The following RGS5 variants were observed in gnomAD, a reference collection of about 807,000 sequenced individuals.
RGS5 encodes regulator of G protein signaling 5.
RGS5 carries 20 observed loss-of-function variants against 18.9 expected under a neutral mutation model. The ratio of observed to expected loss-of-function variants is 1.06; its 90% CI spans 0.74 to 1.54. RGS5 has a LOEUF of 1.54. RGS5 is among the 40% of genes most tolerant of loss of function. The probability of loss-of-function intolerance (pLI) is 0.00; values close to 1 mark genes in which losing one functional copy is unlikely to be tolerated. For missense variants in RGS5, 201 were observed against 211.8 expected, an observed-to-expected ratio of 0.95 and a Z score of 0.32; for synonymous variants, 57 against 76.2, an observed-to-expected ratio of 0.75 and a Z score of 1.31.
At chr1:163,165,493 C>T (rs191181004) in intron 2 of RGS5, among the ~76,000 whole-genome samples, 85 of 152,300 alleles carry the variant, frequency 5.6e-4, no homozygotes, top group African/African-American at 1.9e-3. Context: ...TCAGGAGGAC[C>T]TACAGCAGAG....
intron 1 of RGS5, chr1:163,172,486 A>G: frequency 4.7e-6 from 7 of 1,502,188 alleles, no homozygotes; most frequent in Non-Finnish European, 6.3e-6. Context: ...GGAATGATCT[A>G]GAAATCAACT....
chr1:163,286,295 A>C lies in RGS5; in HGVS notation c.-281+19938T>G, dbSNP rs537989313. Among the ~76,000 whole-genome samples the C allele has an allele frequency of 2.0e-5, 3 of 152,254 alleles. No individual in the cohort carries two copies. The East Asian group carries it at 5.8e-4, about 29-fold the overall frequency. Reference sequence around the variant, plus strand: ...TAAATACTGCCATTTTACATAAGGGACTTGAGCATTAGTAGATTTTAGTAT... The same window carrying C: ...TAAATACTGCCATTTTACATAAGGGCCTTGAGCATTAGTAGATTTTAGTAT... On this transcript the variant is annotated intron_variant, in intron 2 of 5. Coordinates refer to the RGS5 transcript ENST00000618415.
intron 2 of RGS5, among the ~76,000 whole-genome samples, chr1:163,265,562 A>G (rs1648555084): frequency 6.6e-6 from 1 of 152,000 alleles, no homozygotes; most frequent in Non-Finnish European, 1.5e-5. Flanking sequence ...GAACTTTGCA[A>G]CCTTCTCTAA....
chr1:163,253,829 T>C (rs1571321047), intron 2 of RGS5, among the ~76,000 whole-genome samples: 1 of 126,470 alleles, frequency 7.9e-6, no homozygotes, highest in Non-Finnish European at 1.6e-5. Context: ...GTCCCCAGAC[T>C]GTGATGTTCC....
chr1:163,181,017 G>A (rs767884410), intron 1 of RGS5, among the ~76,000 whole-genome samples: 2 of 151,886 alleles, frequency 1.3e-5, no homozygotes, highest in Non-Finnish European at 2.9e-5. Flanking sequence ...CCTAGCAACC[G>A]CTGATCTGTT....
chr1:163,191,449 C>T (rs1235855081), intron 1 of RGS5, among the ~76,000 whole-genome samples: 6 of 152,116 alleles, frequency 3.9e-5, no homozygotes, highest in Admixed American at 1.3e-4. Flanking sequence ...AGATAGATAT[C>T]CTCTTCAGAG....
At chr1:163,186,872 T>C (rs1250621029) in intron 1 of RGS5, among the ~76,000 whole-genome samples, 2 of 152,142 alleles carry the variant, frequency 1.3e-5, no homozygotes, top group Non-Finnish European at 2.9e-5. Context: ...GGGAAAAAAA[T>C]CACACCCCGT....
At chr1:163,308,686 T>A (rs1184966357) in intron 1 of RGS5, 2 of 152,168 alleles carry the variant, frequency 1.3e-5, no homozygotes, top group Non-Finnish European at 2.9e-5. Flanking sequence ...TTAAAGGTAT[T>A]GCAATTTAAT....
At chr1:163,287,378 C>T (rs1218608151) in intron 2 of RGS5, among the ~76,000 whole-genome samples, 1 of 152,200 alleles carries the variant, frequency 6.6e-6, no homozygotes, top group African/African-American at 2.4e-5. Context: ...ACCCCTACTA[C>T]TCATGCTCCT....
intron 2 of RGS5, among the ~76,000 whole-genome samples, chr1:163,286,190 C>T (rs1649142881): frequency 6.6e-6 from 1 of 151,758 alleles, no homozygotes; most frequent in South Asian, 2.1e-4. Context: ...ATTATTTAGA[C>T]AGCATTTACA....
intron 2 of RGS5, chr1:163,238,156 T>A (rs1647679840): frequency 6.6e-6 from 1 of 152,670 alleles, no homozygotes; most frequent in Admixed American, 6.5e-5. Context: ...TACTAGCTTT[T>A]TAAAAATACT....
chr1:163,283,564 G>GTT (rs952847298), intron 2 of RGS5, among the ~76,000 whole-genome samples: 152 of 152,196 alleles, frequency 1.0e-3, no homozygotes, highest in African/African-American at 3.6e-3. Context: ...TTTCCACTCC[G>GTT]TGAGTGTATG....
At chr1:163,180,799 A>G (rs575516333) in intron 1 of RGS5, among the ~76,000 whole-genome samples, 1 of 142,052 alleles carries the variant, frequency 7.0e-6, no homozygotes, top group African/African-American at 2.6e-5. Context: ...GGTTCACGCC[A>G]TTCTCCTGCC....
chr1:163,274,039 G>A (rs1329710796), intron 2 of RGS5, among the ~76,000 whole-genome samples: 1 of 152,154 alleles, frequency 6.6e-6, no homozygotes, highest in Non-Finnish European at 1.5e-5. Context: ...ATGGATTTGT[G>A]TGTGAATTGG....
At chr1:163,173,942 T>C (rs1658424144) in intron 1 of RGS5, among the ~76,000 whole-genome samples, 1 of 152,116 alleles carries the variant, frequency 6.6e-6, no homozygotes, top group African/African-American at 2.4e-5. Context: ...CCAAGCGTGG[T>C]GGCAGGCACC....
At chr1:163,278,984 C>T (rs746354927) in intron 2 of RGS5, among the ~76,000 whole-genome samples, 40 of 152,068 alleles carry the variant, frequency 2.6e-4, no homozygotes, top group Admixed American at 5.9e-4. Flanking sequence ...ATCAGCAAGA[C>T]GCTATAACAT....
At chr1:163,284,597 T>C (rs1649095743) in intron 2 of RGS5, among the ~76,000 whole-genome samples, 1 of 152,174 alleles carries the variant, frequency 6.6e-6, no homozygotes, top group South Asian at 2.1e-4. Context: ...TCATAATGAA[T>C]AGAGCTTTAG....
chr1:163,253,790 T>G (rs12082432), intron 2 of RGS5, among the ~76,000 whole-genome samples: 1 of 143,264 alleles, frequency 7.0e-6, no homozygotes, highest in African/African-American at 2.7e-5. Flanking sequence ...CCTAAAGCTA[T>G]CCCTCCCCCC....
Position 163,180,995 on chromosome 1 carries a change from C to A in RGS5, c.45-12627G>T, listed in dbSNP as rs546724735. On this transcript the variant is annotated intron_variant, in intron 1 of 4. Coordinates refer to ENST00000313961, the MANE Select transcript of RGS5 (RefSeq NM_003617.4). ...AGGCGTGAGCCACCGCGCCCGCCCCCCTGTTCTTATCCCTAGCAACCGCTG... is the reference window on the plus strand; with the variant it reads ...AGGCGTGAGCCACCGCGCCCGCCCCACTGTTCTTATCCCTAGCAACCGCTG... 1.4e-3 allele frequency among the ~76,000 whole-genome samples: 218 copies of A among 152,070 alleles called. 2 individuals carry two copies. Among genetic ancestry groups the A allele is most frequent in the Non-Finnish European group, 3.4e-4 (23 of 67,966 alleles).
Sources: allele counts gnomAD v4.1 joint callset (sites outside exome capture counted in the v4.1 genomes callset), GRCh38; gene constraint gnomAD v4.1.1; transcripts MANE v1.5; gene names NCBI Gene and HGNC (gene_info 2026-07-23, HGNC 2026-07-21).